SYNPO2L: variants seen among roughly 807,000 people sequenced by gnomAD.
SYNPO2L encodes synaptopodin 2-like protein.
Under a neutral mutation model 47.5 loss-of-function variants are expected in SYNPO2L, and 34 were observed. That is an observed-to-expected ratio of 0.72 (90% CI 0.54 to 0.95). The LOEUF is 0.95. Among genes scored for constraint, SYNPO2L ranks in the 40% least tolerant of loss-of-function variants. The pLI is 0.00. For missense variants in SYNPO2L, 1,246 were observed against 1,282.0 expected, an observed-to-expected ratio of 0.97 and a Z score of 0.43; for synonymous variants, 536 against 524.9, an observed-to-expected ratio of 1.02 and a Z score of -0.29.
At position 73,647,545 on chromosome 10, in the gene SYNPO2L, G is replaced by C; in HGVS notation, c.2107C>G (p.Pro703Ala). The change falls in exon 4 of 4, where the codon CCT (proline) becomes GCT (alanine). Residue 703 changes from proline (P) to alanine (A), a missense_variant. Pro to Ala is a conservative substitution (Grantham distance 27). Around this residue, in one of 3 missense-constraint regions of SYNPO2L, gnomAD observed 1,037 missense variants for 1,021.5 expected, o/e 1.02. Coordinates refer to ENST00000394810, the MANE Select transcript of SYNPO2L (RefSeq NM_001114133.3). The stretch of plus-strand genomic sequence containing the variant: ...GGAGCCATTGGAGGGGGGGTCTTAG[G>C]TGTCACGTGAGGCAGGGTCTTGTAA... ...RSYKTLPHVT[P>A]KTPPPMAPKT... 1 of 1,601,778 alleles carries C rather than the reference G, an allele frequency of 6.2e-7. No homozygotes were observed. Among genetic ancestry groups the C allele is most frequent in the South Asian group, 1.1e-5 (1 of 90,082 alleles).
In SYNPO2L at chr10:73,647,842, G is replaced by T; in HGVS notation, c.1810C>A (p.Pro604Thr). Residue 604 changes from proline to threonine, a missense_variant, in exon 4 of 4, where the codon CCT becomes ACT. Pro to Thr is a conservative substitution (Grantham distance 38, BLOSUM62 -1). Transcript: ENST00000394810. Reference sequence around the variant, plus strand: ...TGCTCGCGAGCGCTGGGGGGCTCAGGAGCCCCTGGGCCTGGGGCAGGCGCC... The same window carrying T: ...TGCTCGCGAGCGCTGGGGGGCTCAGTAGCCCCTGGGCCTGGGGCAGGCGCC... ...PEAPAPGPGA[P>T]EPPSAREQRI... The T allele has an allele frequency of 6.4e-7, 1 of 1,565,678 alleles. No homozygotes were observed. The highest frequency in any genetic ancestry group is 8.6e-7 in the Non-Finnish European group (1 of 1,157,526).
At position 73,646,749 on chromosome 10, in the gene SYNPO2L, T is replaced by C. The variant is rs1403839689; in HGVS notation, c.2903A>G (p.His968Arg). 4 of 1,505,864 alleles carry C rather than the reference T, an allele frequency of 2.7e-6. No homozygotes were observed. Among genetic ancestry groups the C allele is most frequent in the Non-Finnish European group, 3.5e-6 (4 of 1,126,886 alleles). The allele number at this position is 1,505,864 out of a possible 1,614,324, so 93.3% of individuals were successfully genotyped here. A position where few individuals can be genotyped will look rare whatever the true frequency, so the allele number is the denominator to read the frequency against. Residue 968 changes from histidine (H) to arginine (R), a missense_variant, in exon 4 of 4, where the codon CAT becomes CGT. Around this residue, in one of 3 missense-constraint regions of SYNPO2L, gnomAD observed 1,037 missense variants for 1,021.5 expected, o/e 1.02. Coordinates refer to ENST00000394810, the MANE Select transcript of SYNPO2L (RefSeq NM_001114133.3). ...GTGCCCTGCCCCAGGCCTCCACACATGAGCTTGCAATCCTGTTCTGGTGGC... is the reference window on the plus strand; with the variant it reads ...GTGCCCTGCCCCAGGCCTCCACACACGAGCTTGCAATCCTGTTCTGGTGGC... ...FSATRTGLQA[H>R]VWRPGAGHQ
rs753726669 is a variant in SYNPO2L, at chr10:73,648,412, G to A, written c.1240C>T (p.Leu414Phe). ...ELARVEPAAMLNGEGLQSPPR... is the reference protein window; with the variant it reads ...ELARVEPAAMFNGEGLQSPPR... ...GGTGACTGCAGGCCTTCCCCGTTGA[G>A]CATGGCTGCTGGTTCGACCCGTGCC... The change falls in exon 4 of 4, where the codon CTC becomes TTC. Residue 414 changes from leucine to phenylalanine, a missense_variant. Physicochemically the swap from Leu to Phe is conservative, Grantham distance 22. Around this residue, in one of 3 missense-constraint regions of SYNPO2L, gnomAD observed 1,037 missense variants for 1,021.5 expected, o/e 1.02. Coordinates refer to ENST00000394810, the MANE Select transcript of SYNPO2L (RefSeq NM_001114133.3). 3 of 1,607,910 alleles carry A rather than the reference G, an allele frequency of 1.9e-6. No individual in the cohort carries two copies. Among genetic ancestry groups the A allele is most frequent in the Non-Finnish European group, 2.5e-6 (3 of 1,179,826 alleles).
In SYNPO2L at chr10:73,645,095, G is replaced by A. The variant is rs764349323; in HGVS notation, c.*1623C>T. 1 of 1,246,926 alleles carries A rather than the reference G, an allele frequency of 8.0e-7. No individual in the cohort carries two copies. The highest frequency in any genetic ancestry group is 1.0e-6 in the Non-Finnish European group (1 of 968,876). The allele number at this position is 1,246,926 out of a possible 1,614,324, so 77.2% of individuals were successfully genotyped here. ...TTTGAGGGATGGGGTGGGACTGAAA[G>A]GAGGTTTTGGCTCTGGGTATTTCCC... On this transcript the variant is annotated 3_prime_UTR_variant, in exon 4 of 4. Coordinates refer to ENST00000394810, the MANE Select transcript of SYNPO2L (RefSeq NM_001114133.3).
At chr10:73,650,893 A>T in intron 3 of SYNPO2L, 1 of 1,603,224 alleles carries the variant, frequency 6.2e-7, no homozygotes, top group South Asian at 1.1e-5. Flanking sequence ...TCTCATAGAT[A>T]TGGGAGGGTA....
At position 73,647,260 on chromosome 10, in the gene SYNPO2L, A is replaced by C. The variant is rs2081767521; in HGVS notation, c.2392T>G (p.Ser798Ala). ...SPSPTPSLPP[S>A]WKYSPNIRAP... is the part of the protein sequence containing the mutation. ...CGGATGTTGGGTGAATATTTCCAGG[A>C]AGGGGGCAGAGACGGGGTAGGAGAA... The change falls in exon 4 of 4, where the codon TCC (serine) becomes GCC (alanine). Residue 798 changes from serine to alanine, a missense_variant. Coordinates refer to ENST00000394810, the MANE Select transcript of SYNPO2L (RefSeq NM_001114133.3). 6.2e-7 allele frequency: 1 copy of C among 1,613,942 alleles called. No homozygotes were observed. The highest frequency in any genetic ancestry group is 2.2e-5 in the East Asian group (1 of 44,848).
In SYNPO2L at chr10:73,646,452, A is replaced by C; in HGVS notation, c.*266T>G. 2 of 1,178,746 alleles carry C rather than the reference A, an allele frequency of 1.7e-6. No individual in the cohort carries two copies. The highest frequency in any genetic ancestry group is 2.1e-6 in the Non-Finnish European group (2 of 954,728). 73.0% of individuals were successfully genotyped at this position (1,178,746 alleles called of 1,614,324 possible). On this transcript the variant is annotated 3_prime_UTR_variant, in exon 4 of 4. Transcript: ENST00000394810. The stretch of plus-strand genomic sequence containing the variant: ...ATCTGTGGAGGAATATGGGTGGAGA[A>C]GCCTGGAAATAAAGACAGAGATCCA...
In SYNPO2L at chr10:73,647,377, C is replaced by T. The variant is rs922037164; in HGVS notation, c.2275G>A (p.Gly759Arg). 2 of 1,614,052 alleles carry T rather than the reference C, an allele frequency of 1.2e-6. No homozygotes were observed. Residue 759 changes from glycine (G) to arginine (R), a missense_variant, in exon 4 of 4, where the codon GGG (glycine) becomes AGG (arginine). By Grantham distance (125) the Gly-to-Arg change is moderately radical. This residue lies in a region of SYNPO2L where 1,037 missense variants were observed against 1,021.5 expected (regional missense o/e 1.02). Coordinates refer to ENST00000394810, the MANE Select transcript of SYNPO2L (RefSeq NM_001114133.3). ...CTCTGCCGCTTAGCAAACAGCTCCC[C>T]ACCCCTGCCCTGCAGCCTTGGTGGC... is the stretch of plus-strand genomic sequence containing the variant. The part of the protein sequence containing the change: ...PEPPRLQGRG[G>R]ELFAKRQSRA...
rs894802738 is a variant in SYNPO2L, at chr10:73,647,286, G to A, written c.2366C>T (p.Pro789Leu). The part of the protein sequence containing the change: ...GPGLGPRPRS[P>L]SPTPSLPPSW... ...AGGGGGCAGAGACGGGGTAGGAGAA[G>A]GACTTCTAGGCCGAGGGCCAAGACC... The change falls in exon 4 of 4, where the codon CCT (proline) becomes CTT (leucine). Residue 789 changes from proline to leucine, a missense_variant. Pro to Leu is a moderately conservative substitution (Grantham distance 98). Coordinates refer to ENST00000394810, the MANE Select transcript of SYNPO2L (RefSeq NM_001114133.3). 6.2e-7 allele frequency: 1 copy of A among 1,614,116 alleles called. No individual in the cohort carries two copies. Among genetic ancestry groups the A allele is most frequent in the Non-Finnish European group, 8.5e-7 (1 of 1,180,000 alleles).
chr10:73,648,272 A>T lies in SYNPO2L; in HGVS notation c.1380T>A (p.Ala460=). ...FQPGGGAPTP[A]PSIFNRSARP... Reference sequence around the variant, plus strand: ...TGGCTGACCGGTTAAAGATGCTTGGAGCTGGGGTCGGGGCTCCACCACCTG... The same window carrying T: ...TGGCTGACCGGTTAAAGATGCTTGGTGCTGGGGTCGGGGCTCCACCACCTG... The change falls in exon 4 of 4, where the codon GCT becomes GCA. Residue 460 remains alanine, a synonymous_variant. Coordinates refer to ENST00000394810, the MANE Select transcript of SYNPO2L (RefSeq NM_001114133.3). The T allele has an allele frequency of 6.2e-7, 1 of 1,600,192 alleles. No homozygotes were observed. Among genetic ancestry groups the T allele is most frequent in the Non-Finnish European group, 8.5e-7 (1 of 1,178,156 alleles).
chr10:73,655,319 C>A (rs1043942790), intron 1 of SYNPO2L, among the ~76,000 whole-genome samples: 7 of 152,070 alleles, frequency 4.6e-5, no homozygotes, highest in African/African-American at 1.7e-4. Context: ...AAAAGTCTTG[C>A]CTAGTGAGAG....
chr10:73,653,416 G>A lies in SYNPO2L; in HGVS notation c.495C>T (p.Pro165=). 6.4e-7 allele frequency: 1 copy of A among 1,551,456 alleles called. No individual in the cohort carries two copies. Among genetic ancestry groups the A allele is most frequent in the Non-Finnish European group, 8.7e-7 (1 of 1,146,852 alleles). ...CATCAGGTGGGGCACCCGGAGGGGT[G>A]GGCCTTGTGGGGCCTCGGCGGCGAG... is the stretch of plus-strand genomic sequence containing the variant. ...RRPRRRGPTR[P]TPPGAPPDEV... is the part of the protein sequence containing the mutation. Residue 165 remains proline, a synonymous_variant, in exon 3 of 4, where the codon CCC becomes CCT. Coordinates refer to ENST00000394810, the MANE Select transcript of SYNPO2L (RefSeq NM_001114133.3).
chr10:73,651,131 C>A, intron 3 of SYNPO2L: 1 of 1,368,698 alleles, frequency 7.3e-7, no homozygotes, highest in Non-Finnish European at 9.6e-7. Context: ...TTTTTGGAGC[C>A]TGGCCCTCTC....
chr10:73,645,589 G>A lies in SYNPO2L; in HGVS notation c.*1129C>T. On this transcript the variant is annotated 3_prime_UTR_variant, in exon 4 of 4. Transcript: ENST00000394810. ...CAAGTTGCTAACTTTTTGAAATCCTGAGGTATAGAATTCTTTGTTCTATTC... is the reference window on the plus strand; with the variant it reads ...CAAGTTGCTAACTTTTTGAAATCCTAAGGTATAGAATTCTTTGTTCTATTC... The A allele has an allele frequency of 1.0e-6, 1 of 986,900 alleles. No homozygotes were observed. The highest frequency in any genetic ancestry group is 1.2e-6 in the Non-Finnish European group (1 of 830,914). The allele number at this position is 986,900 out of a possible 1,614,324, so 61.1% of individuals were successfully genotyped here. A position where few individuals can be genotyped will look rare whatever the true frequency, so the allele number is the denominator to read the frequency against.
intron 3 of SYNPO2L, among the ~76,000 whole-genome samples, chr10:73,649,466 C>T (rs965713322): frequency 4.6e-5 from 7 of 152,170 alleles, no homozygotes; most frequent in Non-Finnish European, 7.4e-5. Flanking sequence ...CCACATCATA[C>T]ACATTCACAG....
chr10:73,653,812 A>G (rs1408184518), intron 2 of SYNPO2L, among the ~76,000 whole-genome samples, 159 bp from the exon 3 acceptor site: 6 of 152,088 alleles, frequency 3.9e-5, no homozygotes, highest in Non-Finnish European at 7.4e-5. Flanking sequence ...GAGTGGAGAT[A>G]TGAAGACAAA....
At position 73,645,206 on chromosome 10, in the gene SYNPO2L, T is replaced by A. The variant is rs2081733866; in HGVS notation, c.*1512A>T. ...AAAATCACACAGACACCAACCGTTC[T>A]TTCAACACTCAGCACACACCCTCAC... On this transcript the variant is annotated 3_prime_UTR_variant, in exon 4 of 4. Coordinates refer to ENST00000394810, the MANE Select transcript of SYNPO2L (RefSeq NM_001114133.3). 8.7e-7 allele frequency: 1 copy of A among 1,146,144 alleles called. No homozygotes were observed. The highest frequency in any genetic ancestry group is 5.8e-5 in the Admixed American group (1 of 17,358). The allele number at this position is 1,146,144 out of a possible 1,614,324, so 71.0% of individuals were successfully genotyped here. A position where few individuals can be genotyped will look rare whatever the true frequency, so the allele number is the denominator to read the frequency against.
chr10:73,650,015 C>A (rs1205416274), intron 3 of SYNPO2L: 2 of 985,278 alleles, frequency 2.0e-6, no homozygotes, highest in East Asian at 2.3e-4. Flanking sequence ...GCCAGGCACA[C>A]AAAGACTATG....
intron 1 of SYNPO2L, among the ~76,000 whole-genome samples, chr10:73,654,633 C>T (rs977839522): frequency 6.6e-6 from 1 of 151,972 alleles, no homozygotes; most frequent in African/African-American, 2.4e-5. Context: ...CACTTGAGAT[C>T]AGGAGTTTGA....
Sources: gnomAD v4.1 joint callset for allele counts (sites outside exome capture counted in the v4.1 genomes callset) on GRCh38, gnomAD v4.1.1 for gene constraint, gnomAD v4.1.1 regional missense constraint, MANE v1.5 for transcripts, NCBI Gene and HGNC (gene_info 2026-07-23, HGNC 2026-07-21) for gene names.